Variants in PLOD3 observed in about 807,000 individuals in gnomAD.
The protein encoded by PLOD3 is procollagen-lysine,2-oxoglutarate 5-dioxygenase 3, also known as multifunctional procollagen lysine hydroxylase and glycosyltransferase LH3.
PLOD3 carries 73 observed loss-of-function variants against 96.9 expected under a neutral mutation model. The ratio of observed to expected loss-of-function variants is 0.75; its 90% CI spans 0.62 to 0.92. The LOEUF (loss-of-function observed/expected upper bound fraction) is 0.92, where lower values mean the gene tolerates loss of function less well. Ranked by LOEUF, PLOD3 falls within the 40% of genes least tolerant of loss-of-function variation. The pLI, the probability that PLOD3 is intolerant of heterozygous loss-of-function variation, is 0.00. For missense variants in PLOD3, 1,004 were observed against 1,004.3 expected (o/e 1.00, Z 0.00); for synonymous variants, 454 against 413.7 (o/e 1.10, Z -1.18).
At position 101,215,860 on chromosome 7, in the gene PLOD3, C is replaced by G. The variant is rs746954086; in HGVS notation, c.615+48G>C. ...CCAAATCCCATTCAGCCTGAGGCCT[C>G]CACTCCCACAGAGCTGCGGGATGCG... On this transcript the variant is annotated intron_variant, in intron 5 of 18. Transcript: ENST00000223127. 2.7e-5 allele frequency: 35 copies of G among 1,298,816 alleles called. No individual in the cohort carries two copies. In the South Asian group the frequency reaches 3.8e-4, roughly 14 times the overall value. 80.5% of individuals were successfully genotyped at this position (1,298,816 alleles called of 1,614,324 possible). A position where few individuals can be genotyped will look rare whatever the true frequency, so the allele number is the denominator to read the frequency against.
At chr7:101,211,331 C>T (rs1798177231) in intron 12 of PLOD3, 1 of 442,404 alleles carries the variant, frequency 2.3e-6, no homozygotes, top group Non-Finnish European at 4.1e-6. Context: ...AGGCACGCAC[C>T]ACCGTGCCCA....
At chr7:101,213,465 G>A (rs1396735824) in intron 6 of PLOD3, 1 of 541,618 alleles carries the variant, frequency 1.8e-6, no homozygotes, top group South Asian at 2.1e-5. Flanking sequence ...GCCAGTAGGA[G>A]CCTCAGCATC....
chr7:101,207,028 G>C (rs1371326823), intron 17 of PLOD3, 124 bp from the exon 18 acceptor site: 3 of 1,184,898 alleles, frequency 2.5e-6, no homozygotes, highest in South Asian at 3.0e-5. Context: ...GCAGTGGTGC[G>C]ATCTTGGCTC....
In PLOD3 at chr7:101,206,186, G is replaced by A. The variant is rs1047785436; in HGVS notation, c.*95C>T. On this transcript the variant is annotated 3_prime_UTR_variant, in exon 19 of 19. Coordinates refer to ENST00000223127, the MANE Select transcript of PLOD3 (RefSeq NM_001084.5). The stretch of plus-strand genomic sequence containing the variant: ...CGCGGAACATGAACTCAGGAAGTGG[G>A]GAGACAGAGAGACCCATCCCCCAAC... The A allele has an allele frequency of 8.2e-7, 1 of 1,223,594 alleles. No individual in the cohort carries two copies. The highest frequency in any genetic ancestry group is 1.2e-6 in the Non-Finnish European group (1 of 824,964). 75.8% of individuals were successfully genotyped at this position (1,223,594 alleles called of 1,614,324 possible).
chr7:101,210,536 T>C lies in PLOD3; in HGVS notation c.1496A>G (p.Asp499Gly), dbSNP rs769256913. 1 of 1,614,168 alleles carries C rather than the reference T, an allele frequency of 6.2e-7. No homozygotes were observed. Among genetic ancestry groups the C allele is most frequent in the South Asian group, 1.1e-5 (1 of 91,086 alleles). The change falls in exon 13 of 19, where the codon GAC becomes GGC. Residue 499 changes from aspartate to glycine, a missense_variant. By Grantham distance (94) the Asp-to-Gly change is moderately conservative. Coordinates refer to ENST00000223127, the MANE Select transcript of PLOD3 (RefSeq NM_001084.5). ...PDMAFCKSFR[D>G]KGIFLHLSNQ... ...AGACCGTGCACCCGCGCTCACCTTGTCTCGAAAGCTCTTACAGAAGGCCAT... is the reference window on the plus strand; with the variant it reads ...AGACCGTGCACCCGCGCTCACCTTGCCTCGAAAGCTCTTACAGAAGGCCAT...
rs143574903 is a variant in PLOD3 at position 101,212,547 on chromosome 7, G to C, written c.988C>G (p.Leu330Val). The C allele has an allele frequency of 3.5e-4, 565 of 1,613,792 alleles. 4 individuals are homozygous for C. Among genetic ancestry groups the C allele is most frequent in the Non-Finnish European group, 6.9e-5 (82 of 1,179,912 alleles). ...LLDYPPDRVT[L>V]FLHNNEVFHE... ...AGTCTCACGTTGTTGTGCAGGAAAA[G>C]GGTGACCCTGTCGGGGGGATAGTCC... The change falls in exon 9 of 19, where the codon CTT (leucine) becomes GTT (valine). Residue 330 changes from leucine to valine, a missense_variant. This residue lies in a region of PLOD3 where 690 missense variants were observed against 650.2 expected (regional missense o/e 1.06). Transcript: ENST00000223127.
Position 101,212,846 on chromosome 7 carries a change from C to G in PLOD3, c.875G>C (p.Gly292Ala). 3.1e-6 allele frequency: 5 copies of G among 1,610,934 alleles called. No homozygotes were observed. Among genetic ancestry groups the G allele is most frequent in the Non-Finnish European group, 4.2e-6 (5 of 1,177,582 alleles). The change falls in exon 8 of 19, where the codon GGG (glycine) becomes GCG (alanine). Residue 292 changes from glycine to alanine, a missense_variant. Around this residue, in one of 5 missense-constraint regions of PLOD3, gnomAD observed 690 missense variants for 650.2 expected, o/e 1.06. Transcript: ENST00000223127. ...TCCCTGGCACCCCCACCTCACCTGC[C>G]CCCCCGGGAGTGTCCTCCGGTCCTG... ...CNQDRRTLPG[G>A]QPPPRVFLAV...
At chr7:101,212,185 A>G in intron 10 of PLOD3, 68 bp downstream of exon 10, 1 of 1,585,720 alleles carries the variant, frequency 6.3e-7, no homozygotes, top group East Asian at 2.2e-5. Context: ...AGGGCCAGGC[A>G]GCAGGTGGCA....
intron 17 of PLOD3, among the ~76,000 whole-genome samples, chr7:101,207,337 G>A (rs970166104): frequency 2.6e-5 from 4 of 152,178 alleles, no homozygotes; most frequent in South Asian, 2.1e-4. Context: ...GAGGGGCGGC[G>A]GGACCCCTGC....
chr7:101,215,873 G>A (rs765006532), intron 5 of PLOD3, 35 bp downstream of exon 5: 5 of 1,393,714 alleles, frequency 3.6e-6, no homozygotes, highest in Non-Finnish European at 2.0e-6. Flanking sequence ...CTCCCACAGA[G>A]CTGCGGGATG....
At position 101,212,253 on chromosome 7, in the gene PLOD3, A is replaced by G. The variant is rs751428849; in HGVS notation, c.1127T>C (p.Met376Thr). 4.3e-6 allele frequency: 7 copies of G among 1,612,548 alleles called. No individual in the cohort carries two copies. Among genetic ancestry groups the G allele is most frequent in the Admixed American group, 1.7e-5 (1 of 59,986 alleles). ...LSPGEARDMA[M>T]DLCRQDPECE... ...CTCCTCCCCGCAAGCACCCGCTCAC[A>G]TGGCCATGTCCCTGGCCTCGCCTGG... is the stretch of plus-strand genomic sequence containing the variant. Residue 376 changes from methionine (M) to threonine (T), a missense_variant and splice_region_variant, in exon 10 of 19, where the codon ATG becomes ACG. By Grantham distance (81) the Met-to-Thr change is moderately conservative. Transcript: ENST00000223127.
chr7:101,206,691 G>A, intron 18 of PLOD3, 88 bp downstream of exon 18: 3 of 1,417,302 alleles, frequency 2.1e-6, no homozygotes, highest in South Asian at 1.2e-5. Flanking sequence ...GGGCAGGGAG[G>A]GGAGCTGGGG....
At chr7:101,207,246 G>A (rs560559213) in intron 17 of PLOD3, among the ~76,000 whole-genome samples, 2 of 152,222 alleles carry the variant, frequency 1.3e-5, no homozygotes, top group Non-Finnish European at 2.9e-5. Context: ...AAAGTGCTGG[G>A]ATTACATGTG....
intron 16 of PLOD3, among the ~76,000 whole-genome samples, 157 bp from the exon 17 acceptor site, chr7:101,207,881 C>T (rs1270251334): frequency 2.2e-4 from 33 of 152,150 alleles, no homozygotes; most frequent in Non-Finnish European, 2.9e-5. Flanking sequence ...ACTCACTGCT[C>T]CCGGCCCTTC....
At chr7:101,211,173 G>A (rs188730041) in intron 12 of PLOD3, 129 of 201,122 alleles carry the variant, frequency 6.4e-4, no homozygotes, top group African/African-American at 2.8e-3. Context: ...CAGCCACCGC[G>A]GCCGGCCCTT....
chr7:101,207,805 C>G (rs961933652), intron 16 of PLOD3, 81 bp from the exon 17 acceptor site: 2 of 1,487,398 alleles, frequency 1.3e-6, no homozygotes, highest in Admixed American at 3.4e-5. Flanking sequence ...TCCTTCCTCC[C>G]GTCCTCCAGC....
intron 5 of PLOD3, 45 bp downstream of exon 5, chr7:101,215,863 C>A (rs776254405): frequency 2.3e-5 from 31 of 1,326,936 alleles, no homozygotes; most frequent in Non-Finnish European, 3.3e-5. Flanking sequence ...GAGGCCTCCA[C>A]TCCCACAGAG....
Position 101,216,020 on chromosome 7 carries a change from C to A in PLOD3, c.503G>T (p.Gly168Val), listed in dbSNP as rs748706446. The A allele has an allele frequency of 6.2e-7, 1 of 1,613,734 alleles. No individual in the cohort carries two copies. The highest frequency in any genetic ancestry group is 8.5e-7 in the Non-Finnish European group (1 of 1,179,654). The change falls in exon 5 of 19, where the codon GGA becomes GTA. Residue 168 changes from glycine to valine, a missense_variant and splice_region_variant. Gly to Val is a moderately radical substitution (Grantham distance 109). Transcript: ENST00000223127. ...GATGGTGGTGGCAAAACCGATGAAT[C>A]CTGGCGGGGAGGGGGAGTGTTGACC... ...GTGKRFLNSG[G>V]FIGFATTIHQ... is the part of the protein sequence containing the mutation.
In PLOD3 at chr7:101,213,328, T is replaced by C. The variant is rs1288368735; in HGVS notation, c.680-124A>G. 82 of 729,498 alleles carry C rather than the reference T, an allele frequency of 1.1e-4. 2 individuals carry two copies. The South Asian group carries it at 1.2e-3, about 11-fold the overall frequency. 45.2% of individuals were successfully genotyped at this position (729,498 alleles called of 1,614,324 possible). A position where few individuals can be genotyped will look rare whatever the true frequency, so the allele number is the denominator to read the frequency against. On this transcript the variant is annotated intron_variant, in intron 6 of 18. Coordinates refer to ENST00000223127, the MANE Select transcript of PLOD3 (RefSeq NM_001084.5). ...AAGGGACACCAGGGCTATCCTGGAG[T>C]GTGGCTCGTTGTGGGCAGGAACCTT...
Sources: allele counts gnomAD v4.1 joint callset (sites outside exome capture counted in the v4.1 genomes callset), GRCh38; gene constraint gnomAD v4.1.1; regional missense constraint gnomAD v4.1.1; transcripts MANE v1.5; gene names NCBI Gene and HGNC (gene_info 2026-07-23, HGNC 2026-07-21).